Variants in FRMD3 observed in about 807,000 individuals in gnomAD.
FRMD3 encodes the protein FERM domain-containing protein 3.
A neutral mutation model predicts 70.2 loss-of-function variants in FRMD3; 33 were observed. The ratio of observed to expected loss-of-function variants is 0.47; its 90% CI spans 0.36 to 0.63. The LOEUF (loss-of-function observed/expected upper bound fraction) is 0.63. FRMD3 is among the 20% of genes least tolerant of loss of function. The pLI, the probability that FRMD3 is intolerant of heterozygous loss-of-function variation, is 0.00. For synonymous variants in FRMD3, 279 were observed against 255.9 expected, an observed-to-expected ratio of 1.09 and a Z score of -0.86; for missense variants, 632 against 711.4, an observed-to-expected ratio of 0.89 and a Z score of 1.27.
At chr9:83,309,470 T>G (rs528615764) in intron 10 of FRMD3, 66 bp downstream of exon 10, 18 of 929,288 alleles carry the variant, frequency 1.9e-5, no homozygotes, top group Middle Eastern at 6.7e-4. Flanking sequence ...TGCAGCCATT[T>G]GCAAAACATA....
At chr9:83,519,030 A>G (rs1044459666) in intron 1 of FRMD3, among the ~76,000 whole-genome samples, 2 of 152,240 alleles carry the variant, frequency 1.3e-5, no homozygotes, top group Admixed American at 6.5e-5. Flanking sequence ...CCCTAAAACC[A>G]TAAAAACCCT....
At chr9:83,433,294 A>AT (rs1458863702) in intron 1 of FRMD3, among the ~76,000 whole-genome samples, 2 of 152,250 alleles carry the variant, frequency 1.3e-5, no homozygotes, top group Non-Finnish European at 2.9e-5. Context: ...GTGAAACTTC[A>AT]CCACATCATA....
chr9:83,449,227 A>G (rs538630863), intron 1 of FRMD3, among the ~76,000 whole-genome samples: 2 of 152,340 alleles, frequency 1.3e-5, no homozygotes, highest in South Asian at 4.1e-4. Context: ...GCCCATGGAG[A>G]AAGTAATGTT....
chr9:83,361,030 G>T (rs1267729682), intron 3 of FRMD3, among the ~76,000 whole-genome samples: 3 of 152,168 alleles, frequency 2.0e-5, no homozygotes, highest in African/African-American at 4.8e-5. Context: ...GCTGTCTCTA[G>T]AACAAGGTAA....
At position 83,407,837 on chromosome 9, in the gene FRMD3, G is replaced by GTCTCTCTCTCTC. The variant is rs761983764; in HGVS notation, c.148-18141_148-18130dup. Reference sequence around the variant, plus strand: ...GCCAGCAGAGGAGGGGGGTTGTTGAGTCTCTCTCTCTCTCTCTCTCTCTCT... The same window carrying GTCTCTCTCTCTC: ...GCCAGCAGAGGAGGGGGGTTGTTGAGTCTCTCTCTCTCTCTCTCTCTCTCTCTCTCTCTCTCT... On this transcript the variant is annotated intron_variant, in intron 1 of 13. Coordinates refer to ENST00000304195, the MANE Select transcript of FRMD3 (RefSeq NM_174938.6). Among the ~76,000 whole-genome samples, 407 of 103,552 alleles carry GTCTCTCTCTCTC rather than the reference G, an allele frequency of 3.9e-3. 6 individuals carry two copies. The highest frequency in any genetic ancestry group is 6.4e-3 in the African/African-American group (165 of 25,938). 67.9% of individuals were successfully genotyped at this position (103,552 alleles called of 152,430 possible). A position where few individuals can be genotyped will look rare whatever the true frequency, so the allele number is the denominator to read the frequency against.
intron 1 of FRMD3, among the ~76,000 whole-genome samples, chr9:83,505,265 C>T (rs562920055): frequency 6.6e-6 from 1 of 152,272 alleles, no homozygotes; most frequent in East Asian, 1.9e-4. Context: ...TGAGAGAGCT[C>T]AGAACTGCTA....
the FRMD3 span, among the ~76,000 whole-genome samples, chr9:83,553,502 A>G: frequency 6.6e-6 from 1 of 152,172 alleles, no homozygotes; most frequent in Non-Finnish European, 1.5e-5. Flanking sequence ...GGTGCCTATG[A>G]TTCATAAATT....
intron 13 of FRMD3, among the ~76,000 whole-genome samples, chr9:83,264,942 T>C (rs1833171739): frequency 6.6e-6 from 1 of 152,124 alleles, no homozygotes; most frequent in African/African-American, 2.4e-5. Context: ...AAGCAGTTAT[T>C]ATCAGCAATT....
intron 1 of FRMD3, among the ~76,000 whole-genome samples, chr9:83,411,616 C>T (rs1826280185): frequency 6.6e-6 from 1 of 152,160 alleles, no homozygotes; most frequent in African/African-American, 2.4e-5. Flanking sequence ...GGGATTCCCC[C>T]TTGCTTGTCA....
chr9:83,439,650 G>T (rs1245419451), intron 1 of FRMD3, among the ~76,000 whole-genome samples: 1 of 152,144 alleles, frequency 6.6e-6, no homozygotes, highest in Non-Finnish European at 1.5e-5. Flanking sequence ...GTTGAAAATG[G>T]GTTCTCTGTT....
intron 1 of FRMD3, among the ~76,000 whole-genome samples, chr9:83,405,254 A>G (rs1211639263): frequency 6.6e-6 from 1 of 152,166 alleles, no homozygotes; most frequent in Non-Finnish European, 1.5e-5. Context: ...GGTGTGCAAC[A>G]GTGGGCTGCA....
chr9:83,428,261 C>A (rs1826869357), intron 1 of FRMD3, among the ~76,000 whole-genome samples: 1 of 151,956 alleles, frequency 6.6e-6, no homozygotes, highest in Non-Finnish European at 1.5e-5. Context: ...ACCTGTAATC[C>A]CAGCTACTTG....
intron 3 of FRMD3, among the ~76,000 whole-genome samples, chr9:83,355,233 G>A (rs1564031232): frequency 6.6e-6 from 1 of 152,220 alleles, no homozygotes; most frequent in Non-Finnish European, 1.5e-5. Context: ...CGTAAAGAAA[G>A]ATCCTTCTCT....
chr9:83,317,195 C>CACACAT (rs1554687105), intron 6 of FRMD3, among the ~76,000 whole-genome samples: 15 of 33,752 alleles, frequency 4.4e-4, no homozygotes, highest in Non-Finnish European at 2.3e-4. Context: ...CTCATGCATA[C>CACACAT]ACACACACAC....
intron 4 of FRMD3, among the ~76,000 whole-genome samples, 200 bp from the exon 5 acceptor site, chr9:83,343,487 C>T (rs768843927): frequency 3.9e-5 from 6 of 151,960 alleles, no homozygotes; most frequent in African/African-American, 1.2e-4. Flanking sequence ...AAGTGTCTGC[C>T]GAGCAGATCT....
At chr9:83,310,588 G>T in intron 8 of FRMD3, 40 bp from the exon 9 acceptor site, 1 of 1,521,300 alleles carries the variant, frequency 6.6e-7, no homozygotes, top group South Asian at 1.2e-5. Context: ...AAAAAAAGTG[G>T]CAGCTAACCA....
chr9:83,368,354 CA>C (rs879480213), intron 3 of FRMD3, among the ~76,000 whole-genome samples: 13 of 151,308 alleles, frequency 8.6e-5, no homozygotes, highest in Admixed American at 2.6e-4. Flanking sequence ...TTTTCTGAGA[CA>C]GAGTCTCACT....
intron 2 of FRMD3, among the ~76,000 whole-genome samples, chr9:83,374,854 G>C (rs1825092818): frequency 2.0e-5 from 3 of 152,098 alleles, no homozygotes. Context: ...TACTTTTCTA[G>C]AAATAAATAA....
chr9:83,415,530 C>G (rs1826408716), intron 1 of FRMD3, among the ~76,000 whole-genome samples: 2 of 150,152 alleles, frequency 1.3e-5, no homozygotes, highest in African/African-American at 4.9e-5. Flanking sequence ...CCAAGTTCCA[C>G]CTCCTGGGTT....
Sources: allele counts gnomAD v4.1 joint callset (sites outside exome capture counted in the v4.1 genomes callset), GRCh38; gene constraint gnomAD v4.1.1; transcripts MANE v1.5; gene names NCBI Gene and HGNC (gene_info 2026-07-23, HGNC 2026-07-21).